Variants in XKR4 observed in about 807,000 individuals in gnomAD.
XKR4 encodes the protein XK related 4.
In XKR4, 12 loss-of-function variants were observed where a neutral mutation model predicts 53.9. The observed-to-expected ratio is 0.22, with a 90% CI of 0.14 to 0.36. XKR4 has a LOEUF of 0.36. XKR4 is among the 10% of genes least tolerant of loss of function. The probability of loss-of-function intolerance (pLI) is 1.00; values close to 1 mark genes in which losing one functional copy is unlikely to be tolerated. For synonymous variants in XKR4, 354 were observed against 362.4 expected, an observed-to-expected ratio of 0.98 and a Z score of 0.26; for missense variants, 799 against 859.5, an observed-to-expected ratio of 0.93 and a Z score of 0.88.
chr8:55,430,587 A>G (rs1226076730), intron 2 of XKR4, among the ~76,000 whole-genome samples: 1 of 152,220 alleles, frequency 6.6e-6, no homozygotes, highest in Non-Finnish European at 1.5e-5. Context: ...TTGTATCAAT[A>G]TTAATACTCC....
intron 1 of XKR4, among the ~76,000 whole-genome samples, chr8:55,340,835 A>G (rs1466548943): frequency 6.6e-6 from 1 of 152,162 alleles, no homozygotes; most frequent in Admixed American, 6.5e-5. Context: ...GTCTCTACCA[A>G]GGGAGGAAGC....
At chr8:55,498,696 C>T (rs552458816) in intron 2 of XKR4, among the ~76,000 whole-genome samples, 102 of 152,228 alleles carry the variant, frequency 6.7e-4, no homozygotes, top group African/African-American at 2.3e-3. Flanking sequence ...TCGCTTGAGG[C>T]CAGGAGGTCA....
chr8:55,322,768 G>C (rs376055975), intron 1 of XKR4, among the ~76,000 whole-genome samples: 16 of 151,992 alleles, frequency 1.1e-4, no homozygotes, highest in African/African-American at 3.4e-4. Flanking sequence ...TTTTATTTTT[G>C]TTCATTGATT....
intron 2 of XKR4, among the ~76,000 whole-genome samples, chr8:55,388,006 G>C (rs1293723758): frequency 2.0e-5 from 3 of 152,194 alleles, no homozygotes; most frequent in Non-Finnish European, 4.4e-5. Flanking sequence ...ACTTGGTGTT[G>C]TAAGTTAGGA....
At chr8:55,240,340 C>A (rs566915355) in intron 1 of XKR4, among the ~76,000 whole-genome samples, 2 of 152,234 alleles carry the variant, frequency 1.3e-5, no homozygotes, top group South Asian at 2.1e-4. Flanking sequence ...AAGTACTAAA[C>A]AACCTATATG....
At chr8:55,305,799 A>G (rs1819288245) in intron 1 of XKR4, among the ~76,000 whole-genome samples, 1 of 152,150 alleles carries the variant, frequency 6.6e-6, no homozygotes, top group Non-Finnish European at 1.5e-5. Flanking sequence ...TGAAGGAAAA[A>G]TATATGACTT....
chr8:55,421,754 T>C (rs918666133), intron 2 of XKR4, among the ~76,000 whole-genome samples: 9 of 152,236 alleles, frequency 5.9e-5, no homozygotes, highest in Admixed American at 5.9e-4. Flanking sequence ...AGTTCAGTCT[T>C]AATTGACATC....
chr8:55,419,246 G>A (rs1012483040), intron 2 of XKR4, among the ~76,000 whole-genome samples: 1 of 152,088 alleles, frequency 6.6e-6, no homozygotes, highest in Non-Finnish European at 1.5e-5. Context: ...ATTAGCCGGA[G>A]TGGTGGTGGG....
chr8:55,504,108 C>T (rs1429128040), intron 2 of XKR4, among the ~76,000 whole-genome samples: 1 of 151,816 alleles, frequency 6.6e-6, no homozygotes, highest in East Asian at 1.9e-4. Flanking sequence ...TGCAGTTTGC[C>T]AGTATTTTGT....
chr8:55,380,234 G>A (rs1391072368), intron 2 of XKR4, among the ~76,000 whole-genome samples: 1 of 152,170 alleles, frequency 6.6e-6, no homozygotes, highest in Non-Finnish European at 1.5e-5. Context: ...CTTAAATGAA[G>A]GGGAATAAGG....
intron 2 of XKR4, among the ~76,000 whole-genome samples, chr8:55,447,097 G>A (rs1041322282): frequency 5.3e-5 from 8 of 150,976 alleles, no homozygotes; most frequent in Admixed American, 3.3e-4. Flanking sequence ...GAGGAATGAA[G>A]CAACTAATAG....
chr8:55,247,864 T>TCTTTCTTTCTTTCTTTCTTTCTTTC (rs1440262405), intron 1 of XKR4, among the ~76,000 whole-genome samples: 3 of 126,024 alleles, frequency 2.4e-5, no homozygotes, highest in Admixed American at 8.1e-5. Context: ...TCTTTTTTTT[T>TCTTTCTTTCTTTCTTTCTTTCTTTC]TTTTTTTTTT....
At position 55,329,342 on chromosome 8, in the gene XKR4, A is replaced by G. The variant is rs1803348755; in HGVS notation, c.807-28336A>G. ...CGGCTCTGCATTGCTGCCCAACACA[A>G]ATTCGTAAACTTTCTTCAAACATGA... On this transcript the variant is annotated intron_variant, in intron 1 of 2. Transcript: ENST00000327381. Among the ~76,000 whole-genome samples the G allele has an allele frequency of 2.0e-5, 3 of 152,024 alleles. 1 individual carries two copies. Among genetic ancestry groups the G allele is most frequent in the Admixed American group, 2.0e-4 (3 of 15,258 alleles).
intron 2 of XKR4, chr8:55,450,876 C>A (rs72645681): frequency 2.2e-4 from 103 of 469,748 alleles, no homozygotes; most frequent in South Asian, 1.2e-3. Flanking sequence ...GGAGCTCCCC[C>A]CTCCCAGCAC....
chr8:55,438,485 G>C (rs1805211123), intron 2 of XKR4, among the ~76,000 whole-genome samples: 1 of 151,568 alleles, frequency 6.6e-6, no homozygotes, highest in African/African-American at 2.4e-5. Flanking sequence ...AGCTACTCAG[G>C]AGGCTGAGGA....
At chr8:55,438,383 C>T (rs986797042) in intron 2 of XKR4, among the ~76,000 whole-genome samples, 5 of 151,586 alleles carry the variant, frequency 3.3e-5, no homozygotes, top group African/African-American at 7.3e-5. Flanking sequence ...GTCAGGAGTT[C>T]GAAACCAGCC....
chr8:55,360,411 A>G lies in XKR4; in HGVS notation c.1006+2534A>G, dbSNP rs17347162. 1.9e-3 allele frequency among the ~76,000 whole-genome samples: 286 copies of G among 152,368 alleles called. 1 individual carries two copies. The highest frequency in any genetic ancestry group is 2.7e-3 in the Non-Finnish European group (187 of 68,040). On this transcript the variant is annotated intron_variant, in intron 2 of 2. Transcript: ENST00000327381. ...ATAAATTAAATTGATGTGAGTTCTA[A>G]GAACAGAGCTGTTCCCCTTTAGGAA...
At chr8:55,178,183 G>A (rs1817258032) in intron 1 of XKR4, among the ~76,000 whole-genome samples, 1 of 152,222 alleles carries the variant, frequency 6.6e-6, no homozygotes, top group Non-Finnish European at 1.5e-5. Flanking sequence ...TTGCTACAAA[G>A]CAGAGAATGT....
intron 2 of XKR4, among the ~76,000 whole-genome samples, chr8:55,372,438 A>G (rs1804081396): frequency 6.6e-6 from 1 of 152,214 alleles, no homozygotes; most frequent in African/African-American, 2.4e-5. Flanking sequence ...AAAAATAACC[A>G]TGTGAATGGT....
Sources: allele counts gnomAD v4.1 joint callset (sites outside exome capture counted in the v4.1 genomes callset), GRCh38; gene constraint gnomAD v4.1.1; transcripts MANE v1.5; gene names NCBI Gene and HGNC (gene_info 2026-07-23, HGNC 2026-07-21).